The following ARHGEF33 variants were observed in gnomAD, a reference collection of about 807,000 sequenced individuals.
ARHGEF33 encodes Rho guanine nucleotide exchange factor 33, also known as DH and coiled-coil domain-containing protein ENSP00000381780.
ARHGEF33 carries 72 observed loss-of-function variants against 101.9 expected under a neutral mutation model. That is an observed-to-expected ratio of 0.71 (90% CI 0.58 to 0.86). The LOEUF (loss-of-function observed/expected upper bound fraction) is 0.86. ARHGEF33 is among the 40% of genes least tolerant of loss of function. ARHGEF33 has a pLI of 0.00. For synonymous variants in ARHGEF33, 499 were observed against 442.5 expected (o/e 1.13, Z -1.60); for missense variants, 1,169 against 1,111.3 (o/e 1.05, Z -0.74).
In ARHGEF33 at chr2:38,966,108, G is replaced by C; in HGVS notation, c.2446G>C (p.Gly816Arg). 1 of 1,551,676 alleles carries C rather than the reference G, an allele frequency of 6.4e-7. No individual in the cohort carries two copies. The highest frequency in any genetic ancestry group is 1.2e-5 in the South Asian group (1 of 84,050). Reference protein sequence around the residue: ...DQNPRQDQKGGFRSSFRKLFK... With the variant: ...DQNPRQDQKGRFRSSFRKLFK... The stretch of plus-strand genomic sequence containing the variant: ...AAATCCCAGGCAAGACCAGAAGGGG[G>C]GCTTTCGCAGCTCCTTCCGCAAGCT... Residue 816 changes from glycine (G) to arginine (R), a missense_variant, in exon 17 of 18, where the codon GGC becomes CGC. By Grantham distance (125) the Gly-to-Arg change is moderately radical. Coordinates refer to ENST00000409978, the MANE Select transcript of ARHGEF33 (RefSeq NM_001145451.5).
At position 38,960,557 on chromosome 2, in the gene ARHGEF33, CCGCCGCCGT is replaced by C; in HGVS notation, c.2260_2268del (p.Val754_Ala756del). ...GCCGCGCAGGCGCACGGCCCGGCCGCCGCCGCCGTCGCCGCCCGCGGCGCATCCAGGACC... is the reference window on the plus strand; with the variant it reads ...GCCGCGCAGGCGCACGGCCCGGCCGCCGCCGCCCGCGGCGCATCCAGGACC... On this transcript the variant is annotated inframe_deletion, in exon 16 of 18. Transcript: ENST00000409978. The C allele has an allele frequency of 7.8e-7, 1 of 1,274,734 alleles. No individual in the cohort carries two copies. The highest frequency in any genetic ancestry group is 1.0e-6 in the Non-Finnish European group (1 of 995,032). The allele number at this position is 1,274,734 out of a possible 1,614,324, so 79.0% of individuals were successfully genotyped here. A position where few individuals can be genotyped will look rare whatever the true frequency, so the allele number is the denominator to read the frequency against.
At chr2:38,959,692 G>A in intron 15 of ARHGEF33, 149 bp from the exon 16 acceptor site, 1 of 842,532 alleles carries the variant, frequency 1.2e-6, no homozygotes, top group Non-Finnish European at 1.8e-6. Context: ...ACGGGGGTTC[G>A]TGGGAGCGCC....
intron 3 of ARHGEF33, 94 bp from the exon 4 acceptor site, chr2:38,921,280 G>A (rs1666750560): frequency 5.1e-6 from 4 of 787,462 alleles, no homozygotes; most frequent in Non-Finnish European, 8.7e-6. Context: ...CACAAATGTA[G>A]GATCCTGTAA....
intron 9 of ARHGEF33, among the ~76,000 whole-genome samples, 167 bp from the exon 10 acceptor site, chr2:38,943,734 G>A (rs1667370191): frequency 6.6e-6 from 1 of 152,132 alleles, no homozygotes; most frequent in Non-Finnish European, 1.5e-5. Context: ...CCTTTGCTCT[G>A]CTGAATGAAT....
At position 38,960,269 on chromosome 2, in the gene ARHGEF33, G is replaced by A; in HGVS notation, c.1964G>A (p.Cys655Tyr). The change falls in exon 16 of 18, where the codon TGC (cysteine) becomes TAC (tyrosine). Residue 655 changes from cysteine to tyrosine, a missense_variant. Physicochemically the swap from Cys to Tyr is radical, Grantham distance 194. Transcript: ENST00000409978. ...TCCTCCGAGTCCAGCCTGGACATCT[G>A]CTTCCTGCGGCCCGTCAGCTTCGCC... The part of the protein sequence containing the change: ...PASSESSLDI[C>Y]FLRPVSFAME... The A allele has an allele frequency of 6.5e-7, 1 of 1,547,722 alleles. No individual in the cohort carries two copies.
chr2:38,931,293 T>C (rs1666997880), intron 7 of ARHGEF33, 42 bp downstream of exon 7: 3 of 1,500,802 alleles, frequency 2.0e-6, no homozygotes, highest in Non-Finnish European at 2.7e-6. Context: ...AGTATTTTTT[T>C]CCCAATTCCC....
At chr2:38,902,148 A>G (rs1021983984) in intron 2 of ARHGEF33, among the ~76,000 whole-genome samples, 20 of 151,990 alleles carry the variant, frequency 1.3e-4, no homozygotes, top group African/African-American at 4.3e-4. Context: ...AAAAAAAAAA[A>G]AAAAGAAAAA....
At position 38,954,438 on chromosome 2, in the gene ARHGEF33, A is replaced by G; in HGVS notation, c.1203A>G (p.Glu401=). 1 of 1,550,172 alleles carries G rather than the reference A, an allele frequency of 6.5e-7. No homozygotes were observed. Among genetic ancestry groups the G allele is most frequent in the Non-Finnish European group, 8.7e-7 (1 of 1,145,596 alleles). ...LFFHIVQRIP[E]YLIHLQNVLK... is the part of the protein sequence containing the mutation. ...TTCACATAGTCCAGCGCATCCCTGA[A>G]TATCTGATACATCTGCAGGTAGGCA... The change falls in exon 13 of 18, where the codon GAA becomes GAG. Residue 401 remains glutamate (E), a synonymous_variant. Coordinates refer to ENST00000409978, the MANE Select transcript of ARHGEF33 (RefSeq NM_001145451.5).
intron 17 of ARHGEF33, among the ~76,000 whole-genome samples, chr2:38,966,678 A>C (rs935483652): frequency 1.1e-4 from 16 of 152,184 alleles, no homozygotes; most frequent in African/African-American, 3.9e-4. Flanking sequence ...AATCACTTTA[A>C]TGGAGTTTCT....
At chr2:38,944,130 T>C in intron 10 of ARHGEF33, 100 bp downstream of exon 10, 1 of 1,236,190 alleles carries the variant, frequency 8.1e-7, no homozygotes, top group Non-Finnish European at 1.1e-6. Flanking sequence ...TATGAAGAGT[T>C]CCAGAAATAG....
intron 4 of ARHGEF33, among the ~76,000 whole-genome samples, chr2:38,926,058 A>G (rs1666861532): frequency 6.6e-6 from 1 of 152,230 alleles, no homozygotes; most frequent in South Asian, 2.1e-4. Context: ...AGCAGGAAAT[A>G]GGAAGAATTC....
rs539277594 is a variant in ARHGEF33 at position 38,934,866 on chromosome 2, T to A, written c.506-909T>A. 5.3e-5 allele frequency among the ~76,000 whole-genome samples: 8 copies of A among 151,850 alleles called. No individual in the cohort carries two copies. In the South Asian group the frequency reaches 1.7e-3, roughly 32 times the overall value. ...AATAAGTAAAGAGGAATTGTAATTT[T>A]AAATAGAGTGCCAGGCAAAGACCTG... On this transcript the variant is annotated intron_variant, in intron 7 of 17. Transcript: ENST00000409978.
chr2:38,935,233 T>A (rs953070202), intron 7 of ARHGEF33, among the ~76,000 whole-genome samples: 1 of 151,892 alleles, frequency 6.6e-6, no homozygotes, highest in African/African-American at 2.4e-5. Flanking sequence ...CAGGCTGGAG[T>A]GCAGTGTCAC....
chr2:38,928,803 T>G (rs1383657435), intron 4 of ARHGEF33, 104 bp from the exon 5 acceptor site: 28 of 1,112,102 alleles, frequency 2.5e-5, no homozygotes, highest in Non-Finnish European at 3.4e-5. Flanking sequence ...GGTCTGTAGA[T>G]TTTCAGGAGG....
At chr2:38,920,223 G>A (rs1321088221) in intron 3 of ARHGEF33, among the ~76,000 whole-genome samples, 1 of 152,112 alleles carries the variant, frequency 6.6e-6, no homozygotes, top group East Asian at 1.9e-4. Flanking sequence ...TAAACTGTTT[G>A]ATGCATACAG....
chr2:38,944,561 A>G (rs1165393435), intron 10 of ARHGEF33, among the ~76,000 whole-genome samples: 1 of 152,094 alleles, frequency 6.6e-6, no homozygotes, highest in Non-Finnish European at 1.5e-5. Context: ...GCAATAGGGA[A>G]CCCCTGGCAA....
intron 4 of ARHGEF33, among the ~76,000 whole-genome samples, chr2:38,923,446 C>G (rs932569047): frequency 6.6e-6 from 1 of 152,020 alleles, no homozygotes; most frequent in African/African-American, 2.4e-5. Flanking sequence ...TTTGGTAATT[C>G]TCTATCTCAT....
chr2:38,931,280 T>G, intron 7 of ARHGEF33, 29 bp downstream of exon 7: 1 of 1,520,102 alleles, frequency 6.6e-7, no homozygotes, highest in Non-Finnish European at 8.8e-7. Context: ...ACTGAATTAA[T>G]CAAGTATTTT....
intron 2 of ARHGEF33, among the ~76,000 whole-genome samples, chr2:38,917,374 G>A (rs1178334209): frequency 6.6e-6 from 1 of 152,112 alleles, no homozygotes; most frequent in Non-Finnish European, 1.5e-5. Context: ...TTACAGGCAT[G>A]AGCCACCGCA....
Sources: allele counts gnomAD v4.1 joint callset (sites outside exome capture counted in the v4.1 genomes callset), GRCh38; gene constraint gnomAD v4.1.1; transcripts MANE v1.5; gene names NCBI Gene and HGNC (gene_info 2026-07-23, HGNC 2026-07-21).